SCHIP1: variants seen among roughly 807,000 people sequenced by gnomAD.
The protein encoded by SCHIP1 is schwannomin-interacting protein 1.
Under a neutral mutation model 29.7 loss-of-function variants are expected in SCHIP1, and 8 were observed. The observed-to-expected ratio is 0.27, with a 90% confidence interval of 0.16 to 0.49. The LOEUF (loss-of-function observed/expected upper bound fraction) is 0.49, where lower values mean the gene tolerates loss of function less well. SCHIP1 is among the 20% of genes least tolerant of loss of function. The pLI is 0.99. For missense variants in SCHIP1, 193 were observed against 294.6 expected (o/e 0.66, Z 2.52); for synonymous variants, 76 against 94.9 (o/e 0.80, Z 1.16).
intron 5 of SCHIP1, among the ~76,000 whole-genome samples, chr3:159,889,161 G>A (rs890537808): frequency 6.6e-6 from 1 of 152,078 alleles, no homozygotes; most frequent in African/African-American, 2.4e-5. Context: ...ATAGTTATAG[G>A]TCCCTTCTAT....
intron 1 of SCHIP1, among the ~76,000 whole-genome samples, chr3:159,857,634 T>A (rs931073908): frequency 1.3e-5 from 2 of 152,134 alleles, no homozygotes; most frequent in Non-Finnish European, 2.9e-5. Context: ...TAATTTACTT[T>A]ATGTATTTAT....
At chr3:159,409,395 C>G in the SCHIP1 span, among the ~76,000 whole-genome samples, 1 of 151,978 alleles carries the variant, frequency 6.6e-6, no homozygotes, top group African/African-American at 2.4e-5. Flanking sequence ...TCTAAAGATT[C>G]CACCAAAAAC....
the SCHIP1 span, among the ~76,000 whole-genome samples, chr3:159,570,818 A>C: frequency 1.3e-5 from 2 of 152,002 alleles, no homozygotes; most frequent in African/African-American, 2.4e-5. Context: ...TCTTTTATTT[A>C]GTTGAGCAGT....
the SCHIP1 span, among the ~76,000 whole-genome samples, chr3:159,318,229 A>T: frequency 1.3e-5 from 2 of 152,174 alleles, no homozygotes; most frequent in South Asian, 2.1e-4. Flanking sequence ...TCACCTGCTG[A>T]TAGGCACTCA....
the SCHIP1 span, among the ~76,000 whole-genome samples, chr3:159,365,984 G>T: frequency 6.6e-6 from 1 of 152,070 alleles, no homozygotes; most frequent in African/African-American, 2.4e-5. Context: ...CTCTTGTATT[G>T]CTATAAAGAA....
At chr3:159,828,462 T>TATATAC in the SCHIP1 span, among the ~76,000 whole-genome samples, 4 of 90,678 alleles carry the variant, frequency 4.4e-5, no homozygotes, top group African/African-American at 1.8e-4. Context: ...CGTATATATA[T>TATATAC]GTATATATAC....
At chr3:159,442,554 A>T in the SCHIP1 span, among the ~76,000 whole-genome samples, 1 of 152,178 alleles carries the variant, frequency 6.6e-6, no homozygotes, top group African/African-American at 2.4e-5. Flanking sequence ...CCAGAAGTGA[A>T]GGAAAGGGAC....
the SCHIP1 span, among the ~76,000 whole-genome samples, chr3:159,510,371 A>T: frequency 6.6e-6 from 1 of 152,144 alleles, no homozygotes; most frequent in Admixed American, 6.5e-5. Context: ...CCATTCGTCT[A>T]ATCTTTTTTC....
chr3:159,431,161 G>C, the SCHIP1 span, among the ~76,000 whole-genome samples: 1 of 150,968 alleles, frequency 6.6e-6, no homozygotes, highest in Non-Finnish European at 1.5e-5. Context: ...ACAACACAAA[G>C]AGGTGGAACC....
chr3:159,602,851 G>A, the SCHIP1 span, among the ~76,000 whole-genome samples: 38 of 152,276 alleles, frequency 2.5e-4, no homozygotes, highest in East Asian at 7.1e-3. Flanking sequence ...GACCAAATGT[G>A]TGGGGTATTT....
the SCHIP1 span, among the ~76,000 whole-genome samples, chr3:159,442,984 T>C: frequency 6.6e-6 from 1 of 152,220 alleles, no homozygotes; most frequent in East Asian, 1.9e-4. Context: ...ACTTAGCTGT[T>C]ACATTAACAA....
At chr3:159,350,430 A>C in the SCHIP1 span, among the ~76,000 whole-genome samples, 1 of 152,210 alleles carries the variant, frequency 6.6e-6, no homozygotes, top group Non-Finnish European at 1.5e-5. Context: ...AATATGCTAA[A>C]ATTTGAAATC....
At chr3:159,699,134 A>T in the SCHIP1 span, among the ~76,000 whole-genome samples, 1 of 152,342 alleles carries the variant, frequency 6.6e-6, no homozygotes, top group Non-Finnish European at 1.5e-5. Context: ...GGAACATAGC[A>T]TGAGTATGGG....
At chr3:159,599,743 G>T in the SCHIP1 span, among the ~76,000 whole-genome samples, 4 of 151,986 alleles carry the variant, frequency 2.6e-5, no homozygotes, top group African/African-American at 7.3e-5. Flanking sequence ...TTGTCATTGC[G>T]GTCTGGTGGA....
At chr3:159,485,077 A>G in the SCHIP1 span, among the ~76,000 whole-genome samples, 4 of 152,214 alleles carry the variant, frequency 2.6e-5, no homozygotes, top group Admixed American at 6.5e-5. Flanking sequence ...AAACAGAAGC[A>G]GAGTTCTCAA....
the SCHIP1 span, among the ~76,000 whole-genome samples, chr3:159,498,783 A>G: frequency 6.6e-6 from 1 of 152,242 alleles, no homozygotes; most frequent in African/African-American, 2.4e-5. Flanking sequence ...TAAGTAAATT[A>G]TGGTATAAAC....
chr3:159,313,892 G>A, the SCHIP1 span, among the ~76,000 whole-genome samples: 1 of 152,056 alleles, frequency 6.6e-6, no homozygotes, highest in Non-Finnish European at 1.5e-5. Context: ...CCACAATTTT[G>A]GTTTGCCTGA....
At chr3:159,556,743 G>A in the SCHIP1 span, among the ~76,000 whole-genome samples, 3 of 124,834 alleles carry the variant, frequency 2.4e-5, no homozygotes, top group Non-Finnish European at 3.2e-5. Context: ...ACAGGAAGGG[G>A]AACATCACAC....
At chr3:159,301,187 C>T in the SCHIP1 span, among the ~76,000 whole-genome samples, 1 of 152,120 alleles carries the variant, frequency 6.6e-6, no homozygotes, top group Non-Finnish European at 1.5e-5. Flanking sequence ...GGAAGTGTCA[C>T]TATTACCCCC....
Sources: allele counts gnomAD v4.1 joint callset (sites outside exome capture counted in the v4.1 genomes callset), GRCh38; gene constraint gnomAD v4.1.1; transcripts MANE v1.5; gene names NCBI Gene and HGNC (gene_info 2026-07-23, HGNC 2026-07-21).